ABCA12: variants seen among roughly 807,000 people sequenced by gnomAD.
ABCA12 encodes the protein glucosylceramide transporter ABCA12.
In ABCA12, 156 loss-of-function variants were observed where a neutral mutation model predicts 293.5. That is an observed-to-expected ratio of 0.53 (90% CI 0.47 to 0.61). The LOEUF is 0.61. ABCA12 is among the 20% of genes least tolerant of loss of function. The probability of loss-of-function intolerance (pLI) is 0.00; values close to 1 mark genes in which losing one functional copy is unlikely to be tolerated. For missense variants in ABCA12, 2,797 were observed against 3,090.2 expected (o/e 0.91, Z 2.25); for synonymous variants, 1,063 against 1,108.0 (o/e 0.96, Z 0.81).
Position 214,937,744 on chromosome 2 carries a change from T to C in ABCA12, c.7437-129A>G, listed in dbSNP as rs1281593217. ...CCTTTTCTTTATATGAAGACTATCA[T>C]TTTGCCATAAAAGTTCAGGACATGT... On this transcript the variant is annotated intron_variant, in intron 50 of 52. Coordinates refer to ENST00000272895, the MANE Select transcript of ABCA12 (RefSeq NM_173076.3). 5.7e-6 allele frequency: 4 copies of C among 696,996 alleles called. No individual in the cohort carries two copies. The African/African-American group carries it at 7.1e-5, about 12-fold the overall frequency. The allele number at this position is 696,996 out of a possible 1,614,324, so 43.2% of individuals were successfully genotyped here.
chr2:215,134,136 G>A (rs1703122053), intron 1 of ABCA12, among the ~76,000 whole-genome samples: 1 of 151,578 alleles, frequency 6.6e-6, no homozygotes, highest in Non-Finnish European at 1.5e-5. Context: ...CTTTTTTATA[G>A]CCAAACTAAA....
intron 39 of ABCA12, 32 bp downstream of exon 39, chr2:214,966,816 A>C: frequency 6.3e-7 from 1 of 1,592,676 alleles, no homozygotes; most frequent in Non-Finnish European, 8.6e-7. Flanking sequence ...CAGAAGTTGC[A>C]ATACAGGACA....
intron 1 of ABCA12, 30 bp from the exon 2 acceptor site, chr2:215,111,720 G>GTTTTTTTTTTTTTTTTTTTT (rs1702575144): frequency 6.5e-7 from 1 of 1,549,128 alleles, no homozygotes; most frequent in African/African-American, 1.4e-5. Context: ...AAAATTGTTA[G>GTTTTTTTTTTTTTTTTTTTT]TTTTATTGTT....
At chr2:215,051,849 G>C (rs1052467368) in intron 5 of ABCA12, among the ~76,000 whole-genome samples, 1 of 152,026 alleles carries the variant, frequency 6.6e-6, no homozygotes, top group African/African-American at 2.4e-5. Context: ...AGTAGAGATT[G>C]TAGTTACAAA....
chr2:214,960,179 T>C (rs1699074387), intron 39 of ABCA12, among the ~76,000 whole-genome samples: 1 of 152,130 alleles, frequency 6.6e-6, no homozygotes, highest in Non-Finnish European at 1.5e-5. Context: ...AAAAAATATA[T>C]GGTTAAAGCA....
Position 214,995,623 on chromosome 2 carries a change from T to C in ABCA12, c.3294+2072A>G, listed in dbSNP as rs369797457. On this transcript the variant is annotated intron_variant, in intron 23 of 52. Coordinates refer to ENST00000272895, the MANE Select transcript of ABCA12 (RefSeq NM_173076.3). ...AAAGGAGGAGTTTAGATGAGAACTG[T>C]GGGCAGTGGAGCGAGGCTGAGCAGG... Among the ~76,000 whole-genome samples, 71 of 152,284 alleles carry C rather than the reference T, an allele frequency of 4.7e-4. No homozygotes were observed. The East Asian group carries it at 8.3e-3, about 18-fold the overall frequency.
At chr2:215,094,114 T>C (rs1702203198) in intron 2 of ABCA12, among the ~76,000 whole-genome samples, 1 of 152,220 alleles carries the variant, frequency 6.6e-6, no homozygotes, top group Non-Finnish European at 1.5e-5. Context: ...AAGGACTGCG[T>C]GTCAATATTT....
chr2:215,049,649 C>T lies in ABCA12; in HGVS notation c.670G>A (p.Glu224Lys), dbSNP rs779209199. The stretch of plus-strand genomic sequence containing the variant: ...ACCTGGGAGAACTGTTTGTTTAGTT[C>T]TTGGAGAGAAGACTCTAAAAGGGTC... ...NMTLLESSLQ[E>K]LNKQFSQLSS... Residue 224 changes from glutamate to lysine, a missense_variant, in exon 6 of 53, where the codon GAA (glutamate) becomes AAA (lysine). Glu to Lys is a moderately conservative substitution (Grantham distance 56). Transcript: ENST00000272895. 2 of 1,613,346 alleles carry T rather than the reference C, an allele frequency of 1.2e-6. No individual in the cohort carries two copies. Among genetic ancestry groups the T allele is most frequent in the Non-Finnish European group, 1.7e-6 (2 of 1,179,588 alleles).
chr2:214,984,323 C>T (rs1699739213), intron 28 of ABCA12, among the ~76,000 whole-genome samples: 2 of 151,828 alleles, frequency 1.3e-5, no homozygotes, highest in Admixed American at 6.6e-5. Flanking sequence ...GTCTCGATCT[C>T]CTGACCTCGT....
At chr2:214,985,575 G>A (rs536420307) in intron 28 of ABCA12, among the ~76,000 whole-genome samples, 1 of 151,954 alleles carries the variant, frequency 6.6e-6, no homozygotes, top group Non-Finnish European at 1.5e-5. Flanking sequence ...AAAAAATCTG[G>A]CCTTTTTGGC....
chr2:215,121,301 AT>A (rs917328720), intron 1 of ABCA12, among the ~76,000 whole-genome samples: 4 of 152,200 alleles, frequency 2.6e-5, no homozygotes, highest in African/African-American at 9.7e-5. Flanking sequence ...ACTTTTATTA[AT>A]TGATTCTATG....
chr2:215,074,516 T>C (rs1394809433), intron 2 of ABCA12, among the ~76,000 whole-genome samples: 1 of 151,812 alleles, frequency 6.6e-6, no homozygotes, highest in Non-Finnish European at 1.5e-5. Flanking sequence ...TAGGAAAAAA[T>C]AAAGCCAATA....
Position 214,983,865 on chromosome 2 carries a change from A to C in ABCA12, c.4164T>G (p.Ile1388Met), listed in dbSNP as rs759223757. ...GPNGAGKTTT[I>M]SMLTGLFGAS... ...CCCCAAACAGCCCAGTTAACATGGA[A>C]CTGGAAATGAAGAAATGATAAATTA... is the stretch of plus-strand genomic sequence containing the variant. The change falls in exon 29 of 53, where the codon ATT (isoleucine) becomes ATG (methionine). Residue 1388 changes from isoleucine (I) to methionine (M), a missense_variant and splice_region_variant. Transcript: ENST00000272895. 49 of 1,613,480 alleles carry C rather than the reference A, an allele frequency of 3.0e-5. No individual in the cohort carries two copies. Among genetic ancestry groups the C allele is most frequent in the Non-Finnish European group, 4.2e-5 (49 of 1,179,728 alleles).
At chr2:214,992,798 T>C (rs182752129) in intron 23 of ABCA12, among the ~76,000 whole-genome samples, 223 of 151,866 alleles carry the variant, frequency 1.5e-3, no homozygotes, top group African/African-American at 5.0e-3. Flanking sequence ...GAGGTGGAGG[T>C]TGCAGTGAGC....
chr2:215,085,680 T>C (rs765633392), intron 2 of ABCA12, among the ~76,000 whole-genome samples: 2 of 152,218 alleles, frequency 1.3e-5, no homozygotes, highest in East Asian at 3.9e-4. Context: ...CTTCCTTCCA[T>C]AACATGGGAT....
intron 45 of ABCA12, among the ~76,000 whole-genome samples, chr2:214,949,816 AC>A (rs1468028354): frequency 3.9e-5 from 6 of 152,178 alleles, no homozygotes; most frequent in Admixed American, 2.6e-4. Context: ...ACCAAAGTCT[AC>A]CCCACAGTAA....
intron 15 of ABCA12, among the ~76,000 whole-genome samples, chr2:215,015,229 C>T (rs1700465509): frequency 6.6e-6 from 1 of 150,904 alleles, no homozygotes; most frequent in Admixed American, 6.6e-5. Flanking sequence ...TTCACAGTAA[C>T]AGTACATATT....
At chr2:214,964,963 C>A (rs571901294) in intron 39 of ABCA12, among the ~76,000 whole-genome samples, 9 of 152,222 alleles carry the variant, frequency 5.9e-5, no homozygotes, top group African/African-American at 2.2e-4. Context: ...ATCACATTAT[C>A]CAACTTCAAA....
intron 11 of ABCA12, among the ~76,000 whole-genome samples, chr2:215,024,503 G>A (rs933543711): frequency 1.3e-5 from 2 of 152,072 alleles, no homozygotes; most frequent in African/African-American, 4.8e-5. Flanking sequence ...TGTCCTTGAG[G>A]GATGAGTAGG....
Sources: gnomAD v4.1 joint callset for allele counts (sites outside exome capture counted in the v4.1 genomes callset) on GRCh38, gnomAD v4.1.1 for gene constraint, MANE v1.5 for transcripts, NCBI Gene and HGNC (gene_info 2026-07-23, HGNC 2026-07-21) for gene names.